HR: variants seen among roughly 807,000 people sequenced by gnomAD.
HR encodes the protein lysine-specific demethylase hairless.
In HR, 83 loss-of-function variants were observed where a neutral mutation model predicts 128.6. The ratio of observed to expected loss-of-function variants is 0.65; its 90% CI spans 0.54 to 0.77. The LOEUF (loss-of-function observed/expected upper bound fraction) is 0.77, where lower values mean the gene tolerates loss of function less well. HR is among the 30% of genes least tolerant of loss of function. HR has a pLI of 0.00. For synonymous variants in HR, 681 were observed against 658.2 expected, an observed-to-expected ratio of 1.03 and a Z score of -0.53; for missense variants, 1,490 against 1,574.6, an observed-to-expected ratio of 0.95 and a Z score of 0.91.
chr8:22,122,791 C>A lies in HR; in HGVS notation c.2004G>T (p.Gln668His). 1 of 1,552,512 alleles carries A rather than the reference C, an allele frequency of 6.4e-7. No individual in the cohort carries two copies. The part of the protein sequence containing the change: ...SLMLTQFVSS[Q>H]ALAELSTAMH... ...CCCCACCCCTCCAAGATGGCTCACC[C>A]TGGCTGGAGACAAACTGGGTCAGCA... Residue 668 changes from glutamine to histidine, a missense_variant and splice_region_variant, in exon 7 of 19, where the codon CAG becomes CAT. Coordinates refer to ENST00000381418, the MANE Select transcript of HR (RefSeq NM_005144.5).
chr8:22,126,991 CTG>C, intron 3 of HR, 44 bp downstream of exon 3: 3 of 1,554,478 alleles, frequency 1.9e-6, no homozygotes, highest in Non-Finnish European at 2.6e-6. Flanking sequence ...CCAGCCCCGG[CTG>C]CCCCCTCCCA....
Position 22,130,522 on chromosome 8 carries a change from G to T in HR, c.-135C>A, listed in dbSNP as rs1249722781. 2.0e-5 allele frequency: 3 copies of T among 152,212 alleles called. No individual in the cohort carries two copies. The East Asian group carries it at 5.8e-4, about 29-fold the overall frequency. 9.4% of individuals were successfully genotyped at this position (152,212 alleles called of 1,614,324 possible). ...CCATGGGCCAGCTCCGGGGCCTCCCGGCCGGCGGGCGAGGACGCGTTCTCC... is the reference window on the plus strand; with the variant it reads ...CCATGGGCCAGCTCCGGGGCCTCCCTGCCGGCGGGCGAGGACGCGTTCTCC... On this transcript the variant is annotated 5_prime_UTR_variant, in exon 1 of 19. Transcript: ENST00000381418.
At position 22,124,393 on chromosome 8, in the gene HR, C is replaced by T. The variant is rs1056267283; in HGVS notation, c.1751-580G>A. Among the ~76,000 whole-genome samples, 6 of 152,218 alleles carry T rather than the reference C, an allele frequency of 3.9e-5. No homozygotes were observed. In the South Asian group the frequency reaches 1.2e-3, roughly 32 times the overall value. On this transcript the variant is annotated intron_variant, in intron 5 of 18. Coordinates refer to ENST00000381418, the MANE Select transcript of HR (RefSeq NM_005144.5). The stretch of plus-strand genomic sequence containing the variant: ...TACAGGCATGAGCCACCGCGCCCAG[C>T]CAGGAGTGGGGTTTTCTAAGAACCA...
chr8:22,129,086 C>A lies in HR; in HGVS notation c.85G>T (p.Gly29Cys), dbSNP rs774239265. ...PENGIVRQEP[G>C]SPPRDGLHHG... Reference sequence around the variant, plus strand: ...TGCAGTCCATCTCGAGGCGGGCTGCCGGGCTCCTGTCTCACGATGCCGTTC... The same window carrying A: ...TGCAGTCCATCTCGAGGCGGGCTGCAGGGCTCCTGTCTCACGATGCCGTTC... The change falls in exon 2 of 19, where the codon GGC (glycine) becomes TGC (cysteine). Residue 29 changes from glycine to cysteine, a missense_variant. Gly to Cys is a radical substitution (Grantham distance 159). This residue lies in a region of HR where 1,060 missense variants were observed against 1,060.9 expected (regional missense o/e 1.00). Transcript: ENST00000381418. The A allele has an allele frequency of 6.3e-7, 1 of 1,575,466 alleles. No individual in the cohort carries two copies. The highest frequency in any genetic ancestry group is 8.6e-7 in the Non-Finnish European group (1 of 1,162,786).
chr8:22,130,061 A>G (rs1827010352), intron 1 of HR, among the ~76,000 whole-genome samples: 1 of 152,000 alleles, frequency 6.6e-6, no homozygotes, highest in Non-Finnish European at 1.5e-5. Context: ...GGGAGGGGAG[A>G]GGGAAGGAGG....
chr8:22,123,664 C>A lies in HR; in HGVS notation c.1900G>T (p.Ala634Ser). ...ACGRVAGTGR[A>S]REKAGFQEQS... is the part of the protein sequence containing the mutation. ...CCTCTCCTACCTGCTTTCTCCCTGG[C>A]CCGCCCAGTGCCTGCCACACGACCA... Residue 634 changes from alanine (A) to serine (S), a missense_variant, in exon 6 of 19, where the codon GCC (alanine) becomes TCC (serine). By Grantham distance (99) the Ala-to-Ser change is moderately conservative. Transcript: ENST00000381418. 1.4e-6 allele frequency: 2 copies of A among 1,402,870 alleles called. No homozygotes were observed. The highest frequency in any genetic ancestry group is 1.9e-6 in the Non-Finnish European group (2 of 1,064,708). 86.9% of individuals were successfully genotyped at this position (1,402,870 alleles called of 1,614,324 possible). A position where few individuals can be genotyped will look rare whatever the true frequency, so the allele number is the denominator to read the frequency against.
At chr8:22,125,282 C>G (rs1171145265) in intron 5 of HR, 29 bp downstream of exon 5, 5 of 1,550,740 alleles carry the variant, frequency 3.2e-6, no homozygotes, top group Non-Finnish European at 2.6e-6. Context: ...ACACAGAGAC[C>G]CCACGCAGAC....
Position 22,128,450 on chromosome 8 carries a change from T to C in HR, c.612+109A>G, listed in dbSNP as rs1028749562. The C allele has an allele frequency of 2.0e-6, 3 of 1,468,814 alleles. No individual in the cohort carries two copies. In the African/African-American group the frequency reaches 4.1e-5, roughly 20 times the overall value. The allele number at this position is 1,468,814 out of a possible 1,614,324, so 91.0% of individuals were successfully genotyped here. On this transcript the variant is annotated intron_variant, in intron 2 of 18. Transcript: ENST00000381418. ...ACAGCTCCAAGCTGATAGACCCCTC[T>C]ACCTCGGTGCTGCCTTCTCTTTTCA...
chr8:22,118,710 C>G, intron 16 of HR: 1 of 580,358 alleles, frequency 1.7e-6, no homozygotes, highest in South Asian at 2.1e-5. Context: ...AGCTGGTGCT[C>G]TCATTTCATC....
Position 22,125,331 on chromosome 8 carries a change from A to G in HR, c.1730T>C (p.Leu577Pro). 1 of 1,588,490 alleles carries G rather than the reference A, an allele frequency of 6.3e-7. No individual in the cohort carries two copies. The highest frequency in any genetic ancestry group is 8.6e-7 in the Non-Finnish European group (1 of 1,168,224). The change falls in exon 5 of 19, where the codon CTG (leucine) becomes CCG (proline). Residue 577 changes from leucine (L) to proline (P), a missense_variant. Physicochemically the swap from Leu to Pro is moderately conservative, Grantham distance 98 (BLOSUM62 -3). Around this residue, in one of 3 missense-constraint regions of HR, gnomAD observed 1,060 missense variants for 1,060.9 expected, o/e 1.00. Coordinates refer to ENST00000381418, the MANE Select transcript of HR (RefSeq NM_005144.5). ...CRLLRREREA[L>P]AWAQREGQGP... ...TTCACCTTCCCGCTGGGCCCAAGCC[A>G]GGGCCTCCCGCTCCCTCCGCAGCAG...
At chr8:22,126,901 G>C in intron 3 of HR, 136 bp downstream of exon 3, 1 of 807,688 alleles carries the variant, frequency 1.2e-6, no homozygotes, top group South Asian at 1.8e-5. Flanking sequence ...CTCCCAGAGA[G>C]CCCTCGTGAT....
chr8:22,125,383 T>C lies in HR; in HGVS notation c.1678A>G (p.Ser560Gly), dbSNP rs377047998. 1 of 1,610,290 alleles carries C rather than the reference T, an allele frequency of 6.2e-7. No individual in the cohort carries two copies. Among genetic ancestry groups the C allele is most frequent in the African/African-American group, 1.3e-5 (1 of 74,932 alleles). ...CGGCACAGTCGGTCCCCCAAACCAC[T>C]GAGCAGGTGCTTGGCGAGGCCTGTG... ...LSTGLAKHLL[S>G]GLGDRLCRLL... The change falls in exon 5 of 19, where the codon AGT (serine) becomes GGT (glycine). Residue 560 changes from serine to glycine, a missense_variant. Physicochemically the swap from Ser to Gly is moderately conservative, Grantham distance 56 (BLOSUM62 0). Coordinates refer to ENST00000381418, the MANE Select transcript of HR (RefSeq NM_005144.5).
rs1392280965 is a variant in HR at position 22,122,867 on chromosome 8, T to C, written c.1928A>G (p.Gln643Arg). Reference sequence around the variant, plus strand: ...CTCCTGCGTGCACTCCTCCGCGGACTGCTCCTGAAAGCCTGTGGGGCAGGA... The same window carrying C: ...CTCCTGCGTGCACTCCTCCGCGGACCGCTCCTGAAAGCCTGTGGGGCAGGA... ...RAREKAGFQE[Q>R]SAEECTQEAG... Residue 643 changes from glutamine (Q) to arginine (R), a missense_variant, in exon 7 of 19, where the codon CAG (glutamine) becomes CGG (arginine). This residue lies in a region of HR where 1,060 missense variants were observed against 1,060.9 expected (regional missense o/e 1.00). Transcript: ENST00000381418. 3 of 1,553,260 alleles carry C rather than the reference T, an allele frequency of 1.9e-6. No individual in the cohort carries two copies. Among genetic ancestry groups the C allele is most frequent in the Non-Finnish European group, 2.6e-6 (3 of 1,148,290 alleles).
chr8:22,129,214 G>C lies in HR; in HGVS notation c.-40-4C>G. The C allele has an allele frequency of 6.6e-7, 1 of 1,514,150 alleles. No individual in the cohort carries two copies. Among genetic ancestry groups the C allele is most frequent in the Non-Finnish European group, 8.8e-7 (1 of 1,134,396 alleles). 93.8% of individuals were successfully genotyped at this position (1,514,150 alleles called of 1,614,324 possible). ...GGGCTCTCCCAGAGGGGGGTCCCTG[G>C]AGCATAACCATCAAAGCATGAGCTT... On this transcript the variant is annotated splice_region_variant and splice_polypyrimidine_tract_variant and intron_variant, in intron 1 of 18. Transcript: ENST00000381418.
chr8:22,116,688 A>G lies in HR; in HGVS notation c.3378+187T>C, dbSNP rs1240653810. 5.9e-5 allele frequency among the ~76,000 whole-genome samples: 9 copies of G among 152,200 alleles called. No individual in the cohort carries two copies. The highest frequency in any genetic ancestry group is 2.2e-4 in the African/African-American group (9 of 41,446). ...GAGACCAGGAGTGGACTCTGGCGCC[A>G]GTCCCAGTTGGGCTCAGTGACTTCA... On this transcript the variant is annotated intron_variant, in intron 17 of 18. Coordinates refer to ENST00000381418, the MANE Select transcript of HR (RefSeq NM_005144.5). This position sits in a 1 kb window ranked among gnomAD's most constrained non-coding sequence, Gnocchi z 4.2.
chr8:22,129,446 C>T (rs550754615), intron 1 of HR, among the ~76,000 whole-genome samples: 1 of 152,370 alleles, frequency 6.6e-6, no homozygotes, highest in South Asian at 2.1e-4. Context: ...TGCCCCTCAG[C>T]GGAGGCTGCC....
chr8:22,120,813 C>A lies in HR; in HGVS notation c.2513G>T (p.Arg838Leu). Residue 838 changes from arginine (R) to leucine (L), a missense_variant, in exon 11 of 19, where the codon CGG (arginine) becomes CTG (leucine). Transcript: ENST00000381418. ...CAGCAAAGCCCCTGGGGGAGGCAGC[C>A]GGGGCCGCACTGGAGAGAGGGGCAG... is the stretch of plus-strand genomic sequence containing the variant. Reference protein sequence around the residue: ...LGLPLSPVRPRLPPPGALLWL... With the variant: ...LGLPLSPVRPLLPPPGALLWL... The A allele has an allele frequency of 1.9e-6, 3 of 1,546,602 alleles. No individual in the cohort carries two copies. The highest frequency in any genetic ancestry group is 2.6e-6 in the Non-Finnish European group (3 of 1,143,962).
intron 2 of HR, chr8:22,128,254 A>G: frequency 1.9e-6 from 1 of 537,686 alleles, no homozygotes; most frequent in South Asian, 2.0e-5. Flanking sequence ...TTGTCTGCCC[A>G]CCCATCTCCT....
At chr8:22,119,660 C>T (rs1218993717) in intron 14 of HR, 100 bp downstream of exon 14, 1 of 1,382,690 alleles carries the variant, frequency 7.2e-7, no homozygotes, top group African/African-American at 1.4e-5. Context: ...CAGAGAAGCG[C>T]TTCAGGCCCC....
Sources: gnomAD v4.1 joint callset for allele counts (sites outside exome capture counted in the v4.1 genomes callset) on GRCh38, gnomAD v4.1.1 for gene constraint, gnomAD v4.1.1 regional missense constraint, Gnocchi (gnomAD v3.1) non-coding constraint, MANE v1.5 for transcripts, NCBI Gene and HGNC (gene_info 2026-07-23, HGNC 2026-07-21) for gene names.